The following CRIM1 variants were observed in gnomAD, a reference collection of about 807,000 sequenced individuals.
CRIM1 encodes cysteine-rich motor neuron 1 protein.
A neutral mutation model predicts 116.4 loss-of-function variants in CRIM1; 32 were observed. The ratio of observed to expected loss-of-function variants is 0.27; its 90% confidence interval spans 0.21 to 0.37. CRIM1 has a LOEUF of 0.37. Among genes scored for constraint, CRIM1 ranks in the 10% least tolerant of loss-of-function variants. The pLI is 1.00. For missense variants in CRIM1, 1,331 were observed against 1,354.8 expected, an observed-to-expected ratio of 0.98 and a Z score of 0.28; for synonymous variants, 590 against 509.2, an observed-to-expected ratio of 1.16 and a Z score of -2.13.
At chr2:36,481,358 G>T (rs1679402265) in intron 7 of CRIM1, among the ~76,000 whole-genome samples, 1 of 152,122 alleles carries the variant, frequency 6.6e-6, no homozygotes, top group African/African-American at 2.4e-5. Context: ...AACTTAGTGT[G>T]GTCACTTAGA....
intron 12 of CRIM1, among the ~76,000 whole-genome samples, chr2:36,519,875 T>C (rs1311425449): frequency 6.6e-6 from 1 of 151,982 alleles, no homozygotes; most frequent in Non-Finnish European, 1.5e-5. Context: ...CTTTCCTTTA[T>C]TTTTAGAGTT....
chr2:36,501,299 T>C (rs848531), intron 8 of CRIM1, among the ~76,000 whole-genome samples: 115,667 of 152,146 alleles, frequency 0.76, 44,855 homozygotes, highest in East Asian at 0.98. Context: ...TAACCTTAAT[T>C]ATTTGTCACT....
intron 5 of CRIM1, 65 bp downstream of exon 5, chr2:36,464,720 C>T: frequency 6.3e-7 from 1 of 1,576,182 alleles, no homozygotes. Context: ...AGGGAGGGTT[C>T]AACTTAGCTG....
intron 5 of CRIM1, among the ~76,000 whole-genome samples, chr2:36,469,737 A>C (rs189202691): frequency 1.3e-5 from 2 of 152,238 alleles, no homozygotes; most frequent in African/African-American, 4.8e-5. Flanking sequence ...AATGTCTTCT[A>C]CTGATAGAAT....
intron 7 of CRIM1, among the ~76,000 whole-genome samples, chr2:36,488,409 G>A (rs896266779): frequency 2.4e-4 from 37 of 152,308 alleles, no homozygotes. Flanking sequence ...ATACTCCCCT[G>A]CATGAGCTCC....
chr2:36,549,014 G>T lies in CRIM1; in HGVS notation c.*313G>T. 1 of 174,028 alleles carries T rather than the reference G, an allele frequency of 5.7e-6. No homozygotes were observed. The highest frequency in any genetic ancestry group is 1.5e-4 in the East Asian group (1 of 6,638). 10.8% of individuals were successfully genotyped at this position (174,028 alleles called of 1,614,324 possible). A position where few individuals can be genotyped will look rare whatever the true frequency, so the allele number is the denominator to read the frequency against. Reference sequence around the variant, plus strand: ...TGAGTTTGGATGGGGAAATGGGTGGGAGGGTGGTGTTGGGAAGAAAAATTG... The same window carrying T: ...TGAGTTTGGATGGGGAAATGGGTGGTAGGGTGGTGTTGGGAAGAAAAATTG... On this transcript the variant is annotated 3_prime_UTR_variant, in exon 17 of 17. Coordinates refer to ENST00000280527, the MANE Select transcript of CRIM1 (RefSeq NM_016441.3).
chr2:36,378,313 G>A (rs1219150363), intron 1 of CRIM1: 1 of 471,092 alleles, frequency 2.1e-6, no homozygotes, highest in Non-Finnish European at 4.4e-6. Context: ...TTTTGTTCAT[G>A]ATTGTCCTCC....
At position 36,522,270 on chromosome 2, in the gene CRIM1, A is replaced by G; in HGVS notation, c.2385A>G (p.Glu795=). 1 of 1,614,222 alleles carries G rather than the reference A, an allele frequency of 6.2e-7. No homozygotes were observed. The highest frequency in any genetic ancestry group is 8.5e-7 in the Non-Finnish European group (1 of 1,180,030). The change falls in exon 13 of 17, where the codon GAA becomes GAG. Residue 795 remains glutamate, a synonymous_variant. Coordinates refer to ENST00000280527, the MANE Select transcript of CRIM1 (RefSeq NM_016441.3). ...AGTCCTGCCCTTCTGTATCCTGTGA[A>G]AGACCTGTCTTGAGAAAAGGCCAGT... The part of the protein sequence containing the change: ...FSESCPSVSC[E]RPVLRKGQCC...
chr2:36,489,375 G>A (rs1160661574), intron 7 of CRIM1, among the ~76,000 whole-genome samples: 1 of 152,206 alleles, frequency 6.6e-6, no homozygotes, highest in Non-Finnish European at 1.5e-5. Context: ...ACTTGGGATG[G>A]CCTCGGGCCT....
intron 1 of CRIM1, among the ~76,000 whole-genome samples, chr2:36,374,551 A>C (rs1438833584): frequency 6.6e-6 from 1 of 152,118 alleles, no homozygotes; most frequent in African/African-American, 2.4e-5. Context: ...TATCAAATAC[A>C]TTGTCCTATG....
chr2:36,403,084 C>T (rs1672537187), intron 2 of CRIM1, among the ~76,000 whole-genome samples: 2 of 152,172 alleles, frequency 1.3e-5, no homozygotes, highest in South Asian at 4.1e-4. Context: ...GAATAACCTA[C>T]TTTGCAGTGA....
intron 14 of CRIM1, 50 bp from the exon 15 acceptor site, chr2:36,544,326 A>G: frequency 7.6e-7 from 1 of 1,315,000 alleles, no homozygotes; most frequent in Non-Finnish European, 9.8e-7. Context: ...ACAAAAGCCA[A>G]CAATACAGCA....
At chr2:36,365,497 G>C (rs543645416) in intron 1 of CRIM1, among the ~76,000 whole-genome samples, 1 of 152,248 alleles carries the variant, frequency 6.6e-6, no homozygotes, top group Admixed American at 6.5e-5. Flanking sequence ...AGCAGGAGAG[G>C]GTGTGAGGGC....
At position 36,550,312 on chromosome 2, in the gene CRIM1, T is replaced by C. The variant is rs968082280; in HGVS notation, c.*1611T>C. Reference sequence around the variant, plus strand: ...TCCACAATAAGCTGGAAGTTTGTTGTAGTATGCCTCAAATATAACTGACTG... The same window carrying C: ...TCCACAATAAGCTGGAAGTTTGTTGCAGTATGCCTCAAATATAACTGACTG... On this transcript the variant is annotated 3_prime_UTR_variant, in exon 17 of 17. Transcript: ENST00000280527. 2.6e-5 allele frequency: 4 copies of C among 152,388 alleles called. No individual in the cohort carries two copies. The highest frequency in any genetic ancestry group is 7.3e-5 in the African/African-American group (3 of 41,328). 9.4% of individuals were successfully genotyped at this position (152,388 alleles called of 1,614,324 possible).
At chr2:36,539,433 A>G (rs1336104697) in intron 14 of CRIM1, among the ~76,000 whole-genome samples, 1 of 152,174 alleles carries the variant, frequency 6.6e-6, no homozygotes, top group Non-Finnish European at 1.5e-5. Context: ...GCCAGACACA[A>G]AGGGTCTCGC....
At chr2:36,461,962 C>T (rs1480124084) in intron 4 of CRIM1, among the ~76,000 whole-genome samples, 2 of 152,050 alleles carry the variant, frequency 1.3e-5, no homozygotes, top group South Asian at 2.1e-4. Flanking sequence ...GCTAATTTCA[C>T]GTTCAGGGGA....
Position 36,548,734 on chromosome 2 carries a change from G to C in CRIM1, c.*33G>C, listed in dbSNP as rs768437467. 7 of 1,526,498 alleles carry C rather than the reference G, an allele frequency of 4.6e-6. No individual in the cohort carries two copies. Among genetic ancestry groups the C allele is most frequent in the Admixed American group, 2.2e-5 (1 of 45,594 alleles). The allele number at this position is 1,526,498 out of a possible 1,614,324, so 94.6% of individuals were successfully genotyped here. ...CAACTAGGATGAGGTTTCAAAAGAC[G>C]GAAGACGACTAAATCTGCTCTAAAA... On this transcript the variant is annotated 3_prime_UTR_variant, in exon 17 of 17. Transcript: ENST00000280527.
chr2:36,491,750 A>G (rs539333721), intron 7 of CRIM1, among the ~76,000 whole-genome samples: 1 of 152,296 alleles, frequency 6.6e-6, no homozygotes, highest in African/African-American at 2.4e-5. Flanking sequence ...AGTTACCAAA[A>G]GTCTGACCGC....
At chr2:36,506,375 T>C (rs542260553) in intron 8 of CRIM1, among the ~76,000 whole-genome samples, 2 of 151,972 alleles carry the variant, frequency 1.3e-5, no homozygotes, top group Admixed American at 6.6e-5. Flanking sequence ...TCCTAAAAGT[T>C]ATGACACAAT....
Sources: allele counts gnomAD v4.1 joint callset (sites outside exome capture counted in the v4.1 genomes callset), GRCh38; gene constraint gnomAD v4.1.1; transcripts MANE v1.5; gene names NCBI Gene and HGNC (gene_info 2026-07-23, HGNC 2026-07-21).